The following STK33 variants were observed in gnomAD, a reference collection of about 807,000 sequenced individuals.
STK33 encodes the protein serine/threonine kinase 33.
In STK33, 52 loss-of-function variants were observed where a neutral mutation model predicts 58.0. The ratio of observed to expected loss-of-function variants is 0.90; its 90% CI spans 0.72 to 1.13. STK33 has a LOEUF of 1.13. STK33 is among the 50% of genes most tolerant of loss of function. STK33 has a pLI of 0.00. For missense variants in STK33, 630 were observed against 604.2 expected (o/e 1.04, Z -0.45); for synonymous variants, 215 against 200.1 (o/e 1.07, Z -0.63).
intron 15 of STK33, among the ~76,000 whole-genome samples, chr11:8,404,798 T>C (rs1359181001): frequency 6.6e-6 from 1 of 152,248 alleles, no homozygotes; most frequent in Non-Finnish European, 1.5e-5. Flanking sequence ...ACAAATCTTT[T>C]TGTGAACTTG....
intron 1 of STK33, among the ~76,000 whole-genome samples, chr11:8,495,166 G>A (rs1236964705): frequency 6.6e-6 from 1 of 152,040 alleles, no homozygotes; most frequent in Non-Finnish European, 1.5e-5. Flanking sequence ...GCAACCTACA[G>A]AATGGGAGAA....
intron 14 of STK33, among the ~76,000 whole-genome samples, chr11:8,428,594 A>T (rs574207367): frequency 6.6e-6 from 1 of 152,328 alleles, no homozygotes; most frequent in African/African-American, 2.4e-5. Context: ...AACGTAACTC[A>T]AACAGCTGTG....
At chr11:8,460,382 A>G (rs1023237078) in intron 8 of STK33, among the ~76,000 whole-genome samples, 2 of 151,798 alleles carry the variant, frequency 1.3e-5, no homozygotes, top group Non-Finnish European at 2.9e-5. Context: ...ATATATAGAT[A>G]TATATATATA....
chr11:8,438,486 T>C (rs79939855), intron 12 of STK33, among the ~76,000 whole-genome samples: 4,906 of 152,290 alleles, frequency 0.032, 117 homozygotes, highest in Non-Finnish European at 0.049. Flanking sequence ...AATATGTTTG[T>C]GCTCTTGATT....
intron 1 of STK33, among the ~76,000 whole-genome samples, chr11:8,575,582 C>T (rs1315639216): frequency 6.6e-6 from 1 of 151,948 alleles, no homozygotes; most frequent in African/African-American, 2.4e-5. Flanking sequence ...TAGAGGTTAT[C>T]AGGGGCTGGG....
At chr11:8,554,418 C>CAAAA (rs35967209) in intron 1 of STK33, among the ~76,000 whole-genome samples, 4 of 58,738 alleles carry the variant, frequency 6.8e-5, no homozygotes, top group African/African-American at 1.6e-4. Context: ...GACTCCATCT[C>CAAAA]AAAAAAAAAA....
intron 14 of STK33, among the ~76,000 whole-genome samples, chr11:8,422,548 A>C (rs537474570): frequency 1.3e-5 from 2 of 152,168 alleles, no homozygotes; most frequent in South Asian, 4.2e-4. Context: ...GTATGGTAGA[A>C]CTCTAAAATT....
At chr11:8,426,261 T>G (rs1942735104) in intron 14 of STK33, among the ~76,000 whole-genome samples, 1 of 152,194 alleles carries the variant, frequency 6.6e-6, no homozygotes. Context: ...CTCCTCCAAC[T>G]GCCCCAGCCA....
chr11:8,425,494 TTAAAGTAG>T (rs1942609207), intron 14 of STK33, among the ~76,000 whole-genome samples: 1 of 152,178 alleles, frequency 6.6e-6, no homozygotes, highest in Non-Finnish European at 1.5e-5. Context: ...CATATGAACT[TTAAAGTAG>T]TTTTTTCCAA....
intron 1 of STK33, among the ~76,000 whole-genome samples, chr11:8,541,875 C>A (rs1317476735): frequency 6.6e-6 from 1 of 152,150 alleles, no homozygotes; most frequent in Non-Finnish European, 1.5e-5. Context: ...AAATCTGTCT[C>A]TCCTGGATAT....
intron 7 of STK33, among the ~76,000 whole-genome samples, chr11:8,462,438 TATATACACACAC>T (rs1197549166): frequency 2.7e-5 from 3 of 110,792 alleles, no homozygotes; most frequent in Non-Finnish European, 5.6e-5. Flanking sequence ...CATATATACA[TATATACACACAC>T]ACACACACAC....
chr11:8,472,518 G>C (rs935440548), intron 6 of STK33, among the ~76,000 whole-genome samples: 1 of 152,152 alleles, frequency 6.6e-6, no homozygotes, highest in African/African-American at 2.4e-5. Flanking sequence ...AGTCAGCTGA[G>C]CAATCAGAAC....
At chr11:8,357,168 C>T in the STK33 span, among the ~76,000 whole-genome samples, 7 of 152,274 alleles carry the variant, frequency 4.6e-5, no homozygotes, top group African/African-American at 1.7e-4. Flanking sequence ...TACAGCTCTT[C>T]AAGTTTCCCG....
At chr11:8,548,605 C>T (rs1956102291) in intron 1 of STK33, among the ~76,000 whole-genome samples, 1 of 152,070 alleles carries the variant, frequency 6.6e-6, no homozygotes, top group South Asian at 2.1e-4. Flanking sequence ...TTTTGTGGGT[C>T]CATACAAATT....
At chr11:8,561,492 C>T (rs969418161) in intron 1 of STK33, among the ~76,000 whole-genome samples, 1 of 152,042 alleles carries the variant, frequency 6.6e-6, no homozygotes. Context: ...AGTAACTTTA[C>T]TGTTACATAC....
intron 1 of STK33, among the ~76,000 whole-genome samples, chr11:8,536,971 G>A (rs913540765): frequency 0.058 from 2,339 of 40,436 alleles, 50 homozygotes; most frequent in Non-Finnish European, 0.086. Flanking sequence ...AAAAAAAAAA[G>A]ATTTTTTTTT....
At chr11:8,380,634 C>A in the STK33 span, among the ~76,000 whole-genome samples, 1 of 150,244 alleles carries the variant, frequency 6.7e-6, no homozygotes, top group African/African-American at 2.4e-5. Context: ...AACAATTATA[C>A]ACTGCTGGTT....
chr11:8,502,009 T>G (rs891677050), intron 1 of STK33, among the ~76,000 whole-genome samples: 49 of 152,120 alleles, frequency 3.2e-4, no homozygotes, highest in African/African-American at 1.2e-3. Context: ...GAAAGCAGAT[T>G]AGTGTATTTC....
At chr11:8,472,818 C>T (rs1280487991) in intron 6 of STK33, among the ~76,000 whole-genome samples, 1 of 152,126 alleles carries the variant, frequency 6.6e-6, no homozygotes, top group Non-Finnish European at 1.5e-5. Flanking sequence ...AGGAAGTGAA[C>T]AGCCAAACTA....
Sources: allele counts gnomAD v4.1 joint callset (sites outside exome capture counted in the v4.1 genomes callset), GRCh38; gene constraint gnomAD v4.1.1; transcripts MANE v1.5; gene names NCBI Gene and HGNC (gene_info 2026-07-23, HGNC 2026-07-21).